DPP10: variants seen among roughly 807,000 people sequenced by gnomAD.
DPP10 encodes inactive dipeptidyl peptidase 10.
DPP10 carries 33 observed loss-of-function variants against 120.9 expected under a neutral mutation model. The observed-to-expected ratio is 0.27, with a 90% confidence interval of 0.21 to 0.37. DPP10 has a LOEUF of 0.37. DPP10 is among the 10% of genes least tolerant of loss of function. The probability of loss-of-function intolerance (pLI) is 1.00; values close to 1 mark genes in which losing one functional copy is unlikely to be tolerated. For synonymous variants in DPP10, 337 were observed against 326.1 expected (o/e 1.03, Z -0.36); for missense variants, 816 against 942.8 (o/e 0.87, Z 1.76).
At chr2:114,902,415 A>T (rs990229547) in intron 1 of DPP10, among the ~76,000 whole-genome samples, 6 of 152,188 alleles carry the variant, frequency 3.9e-5, no homozygotes, top group Non-Finnish European at 8.8e-5. Flanking sequence ...GGACTCTGTG[A>T]TCGTTCAGTT....
At chr2:115,348,801 T>C (rs1275152687) in intron 3 of DPP10, among the ~76,000 whole-genome samples, 1 of 152,152 alleles carries the variant, frequency 6.6e-6, no homozygotes, top group East Asian at 1.9e-4. Context: ...TAGTGTGTCC[T>C]TTACTCACCC....
chr2:114,989,871 C>T (rs979325915), intron 1 of DPP10, among the ~76,000 whole-genome samples: 1 of 152,166 alleles, frequency 6.6e-6, no homozygotes, highest in African/African-American at 2.4e-5. Flanking sequence ...TCCCTATAAA[C>T]ATTGGAGCTT....
chr2:115,031,483 A>G (rs1463123384), intron 1 of DPP10, among the ~76,000 whole-genome samples: 1 of 152,186 alleles, frequency 6.6e-6, no homozygotes, highest in African/African-American at 2.4e-5. Context: ...GAATAAACAG[A>G]AGGAAATTCC....
chr2:115,710,231 C>A (rs1284099061), intron 7 of DPP10, among the ~76,000 whole-genome samples: 2 of 152,046 alleles, frequency 1.3e-5, no homozygotes, highest in African/African-American at 4.8e-5. Context: ...GAAAGAAGAA[C>A]ATTGGAAATG....
chr2:114,671,326 A>G (rs1383946895), intron 1 of DPP10, among the ~76,000 whole-genome samples: 5 of 152,136 alleles, frequency 3.3e-5, no homozygotes, highest in Non-Finnish European at 5.9e-5. Context: ...GTTAAGTGTC[A>G]TGTGACTCTA....
intron 1 of DPP10, among the ~76,000 whole-genome samples, chr2:115,150,666 T>C (rs2051488590): frequency 6.6e-6 from 1 of 152,194 alleles, no homozygotes; most frequent in Non-Finnish European, 1.5e-5. Flanking sequence ...TAATCCACCA[T>C]AATTCTTAGG....
chr2:115,642,224 C>T (rs2086842117), intron 5 of DPP10, among the ~76,000 whole-genome samples: 1 of 151,844 alleles, frequency 6.6e-6, no homozygotes, highest in Non-Finnish European at 1.5e-5. Flanking sequence ...ATGGTTAATT[C>T]CGTGTGTCAG....
intron 1 of DPP10, among the ~76,000 whole-genome samples, chr2:114,572,782 A>G (rs949465215): frequency 6.6e-6 from 1 of 152,192 alleles, no homozygotes; most frequent in Non-Finnish European, 1.5e-5. Context: ...CATGGGGATG[A>G]CACTGTTATC....
At chr2:115,265,285 A>G (rs1239023411) in intron 1 of DPP10, among the ~76,000 whole-genome samples, 1 of 150,452 alleles carries the variant, frequency 6.6e-6, no homozygotes, top group Non-Finnish European at 1.5e-5. Context: ...ATATATATAT[A>G]TATATATGCA....
chr2:114,865,960 A>T (rs1463662844), intron 1 of DPP10, among the ~76,000 whole-genome samples: 1 of 151,934 alleles, frequency 6.6e-6, no homozygotes, highest in African/African-American at 2.4e-5. Context: ...TAAAAATACA[A>T]AATTAGCCGG....
chr2:115,233,615 T>C (rs1389029891), intron 1 of DPP10, among the ~76,000 whole-genome samples: 2 of 152,160 alleles, frequency 1.3e-5, no homozygotes, highest in Non-Finnish European at 2.9e-5. Flanking sequence ...TGGGATCCAT[T>C]GGATAGTTTT....
chr2:115,078,009 T>G (rs1247938857), intron 1 of DPP10, among the ~76,000 whole-genome samples: 4 of 152,180 alleles, frequency 2.6e-5, no homozygotes, highest in Admixed American at 6.5e-5. Flanking sequence ...CAAAAATCAC[T>G]TCAGTCTTTT....
At chr2:115,228,251 A>G (rs1241412080) in intron 1 of DPP10, among the ~76,000 whole-genome samples, 2 of 151,948 alleles carry the variant, frequency 1.3e-5, no homozygotes, top group African/African-American at 4.8e-5. Context: ...CCGGCCCTAT[A>G]CATGGGGTAC....
chr2:114,952,458 A>G (rs56318536), intron 1 of DPP10, among the ~76,000 whole-genome samples: 1 of 151,844 alleles, frequency 6.6e-6, no homozygotes, highest in Non-Finnish European at 1.5e-5. Context: ...GTGGATTGAT[A>G]GTTGGGTTCT....
chr2:115,768,090 A>G (rs1357312613), intron 12 of DPP10, among the ~76,000 whole-genome samples: 1 of 152,122 alleles, frequency 6.6e-6, no homozygotes, highest in Non-Finnish European at 1.5e-5. Context: ...CCTTCCCACA[A>G]CTCAACCACA....
chr2:114,960,102 A>G lies in DPP10; in HGVS notation c.61-349137A>G, dbSNP rs13390711. Reference sequence around the variant, plus strand: ...ATATGTGAATACCCAGTCAGATAATATAACTTACTGATACTACTATTTGAA... The same window carrying G: ...ATATGTGAATACCCAGTCAGATAATGTAACTTACTGATACTACTATTTGAA... On this transcript the variant is annotated intron_variant, in intron 1 of 25. Transcript: ENST00000410059. Among the ~76,000 whole-genome samples, 611 of 152,300 alleles carry G rather than the reference A, an allele frequency of 4.0e-3. 1 individual carries two copies. Among genetic ancestry groups the G allele is most frequent in the African/African-American group, 0.014 (598 of 41,578 alleles).
intron 3 of DPP10, among the ~76,000 whole-genome samples, chr2:115,404,478 T>C (rs966548724): frequency 2.0e-5 from 3 of 152,004 alleles, no homozygotes; most frequent in Non-Finnish European, 4.4e-5. Flanking sequence ...ACTATAAACA[T>C]TGAGGAAAGA....
intron 1 of DPP10, among the ~76,000 whole-genome samples, chr2:114,499,726 C>T (rs905927156): frequency 6.6e-6 from 1 of 152,134 alleles, no homozygotes; most frequent in African/African-American, 2.4e-5. Context: ...TAGATTAAAA[C>T]AGGGTAGCAA....
At chr2:114,870,639 CA>C (rs796291500) in intron 1 of DPP10, among the ~76,000 whole-genome samples, 1 of 105,096 alleles carries the variant, frequency 9.5e-6, no homozygotes, top group Non-Finnish European at 2.1e-5. Flanking sequence ...TACAGAATCT[CA>C]AAAAAAATAT....
Sources: allele counts gnomAD v4.1 joint callset (sites outside exome capture counted in the v4.1 genomes callset), GRCh38; gene constraint gnomAD v4.1.1; transcripts MANE v1.5; gene names NCBI Gene and HGNC (gene_info 2026-07-23, HGNC 2026-07-21).